NCK1: variants seen among roughly 807,000 people sequenced by gnomAD.
NCK1 encodes SH2/SH3 adapter protein NCK1.
A neutral mutation model predicts 36.6 loss-of-function variants in NCK1; 19 were observed. The ratio of observed to expected loss-of-function variants is 0.52; its 90% CI spans 0.36 to 0.76. The LOEUF (loss-of-function observed/expected upper bound fraction) is 0.76. Ranked by LOEUF, NCK1 falls within the 30% of genes least tolerant of loss-of-function variation. NCK1 has a pLI of 0.00. For synonymous variants in NCK1, 165 were observed against 156.0 expected (o/e 1.06, Z -0.43); for missense variants, 358 against 445.6 (o/e 0.80, Z 1.77).
At chr3:136,906,416 A>G (rs1359297607) in intron 1 of NCK1, among the ~76,000 whole-genome samples, 1 of 152,068 alleles carries the variant, frequency 6.6e-6, no homozygotes, top group Non-Finnish European at 1.5e-5. Flanking sequence ...GGCCTGTGAT[A>G]AGGTTTTGCT....
intron 1 of NCK1, among the ~76,000 whole-genome samples, chr3:136,923,889 T>A (rs1368505123): frequency 6.6e-6 from 1 of 152,240 alleles, no homozygotes; most frequent in Non-Finnish European, 1.5e-5. Flanking sequence ...TAACTCTACG[T>A]CCAGTTGGTG....
At chr3:136,910,614 C>T (rs1268336790) in intron 1 of NCK1, among the ~76,000 whole-genome samples, 1 of 152,166 alleles carries the variant, frequency 6.6e-6, no homozygotes, top group South Asian at 2.1e-4. Flanking sequence ...TTTGACTCCT[C>T]TTAGCATTTA....
intron 1 of NCK1, among the ~76,000 whole-genome samples, chr3:136,868,965 C>T (rs930297788): frequency 1.2e-4 from 18 of 152,074 alleles, no homozygotes; most frequent in African/African-American, 2.2e-4. Context: ...AGGCCGGGCG[C>T]GGTGGCTCAC....
intron 1 of NCK1, among the ~76,000 whole-genome samples, chr3:136,888,142 G>T (rs200457235): frequency 6.6e-6 from 1 of 151,538 alleles, no homozygotes; most frequent in Non-Finnish European, 1.5e-5. Flanking sequence ...ACAGGGTTTC[G>T]CCATGTTGGC....
At chr3:136,899,419 CTTTTTTTTT>C (rs34828302) in intron 1 of NCK1, 12 of 199,606 alleles carry the variant, frequency 6.0e-5, no homozygotes, top group African/African-American at 3.1e-4. Flanking sequence ...CATTTCTTTT[CTTTTTTTTT>C]TTTTTAAATT....
Position 136,867,092 on chromosome 3 carries a change from CTTT to C in NCK1, c.-19+4740_-19+4742del, listed in dbSNP as rs1560028381. On this transcript the variant is annotated intron_variant, in intron 1 of 3. Coordinates refer to ENST00000481752, the MANE Select transcript of NCK1 (RefSeq NM_001291999.2). The stretch of plus-strand genomic sequence containing the variant: ...TCTTTCTTTCTTTCTTTCTTTCTTT[CTTT>C]CTTTCTTTCTTTCTTTCTTTCTTTG... Among the ~76,000 whole-genome samples, 68 of 41,352 alleles carry C rather than the reference CTTT, an allele frequency of 1.6e-3. 1 individual carries two copies. The highest frequency in any genetic ancestry group is 5.8e-3 in the African/African-American group (55 of 9,428). The allele number at this position is 41,352 out of a possible 152,430, so 27.1% of individuals were successfully genotyped here. A position where few individuals can be genotyped will look rare whatever the true frequency, so the allele number is the denominator to read the frequency against.
chr3:136,866,884 A>T (rs1938429200), intron 1 of NCK1, among the ~76,000 whole-genome samples: 1 of 152,118 alleles, frequency 6.6e-6, no homozygotes, highest in Non-Finnish European at 1.5e-5. Context: ...AAGTGTTGGG[A>T]TTACAGGCGT....
chr3:136,891,021 T>C (rs1939229383), intron 1 of NCK1, among the ~76,000 whole-genome samples: 1 of 152,222 alleles, frequency 6.6e-6, no homozygotes, highest in South Asian at 2.1e-4. Context: ...TTTCACTGAG[T>C]ATAGTGTCTT....
chr3:136,935,383 T>C (rs1277054395), intron 2 of NCK1, among the ~76,000 whole-genome samples: 2 of 152,226 alleles, frequency 1.3e-5, no homozygotes, highest in Non-Finnish European at 2.9e-5. Context: ...TTAACTTTTT[T>C]TTTTTGTATG....
chr3:136,918,705 C>T (rs971538160), intron 1 of NCK1, among the ~76,000 whole-genome samples: 23 of 152,144 alleles, frequency 1.5e-4, no homozygotes, highest in African/African-American at 4.8e-4. Context: ...CATCAGCTAT[C>T]GTTAGTTTAG....
rs770040215 is a variant in NCK1, at chr3:136,928,218, G to C, written c.217G>C (p.Asp73His). The C allele has an allele frequency of 1.0e-5, 16 of 1,607,888 alleles. No individual in the cohort carries two copies. Among genetic ancestry groups the C allele is most frequent in the Non-Finnish European group, 1.3e-5 (15 of 1,177,934 alleles). Residue 73 changes from aspartate to histidine, a missense_variant, in exon 2 of 4, where the codon GAT becomes CAT. Physicochemically the swap from Asp to His is moderately conservative, Grantham distance 81. Around this residue, in one of 3 missense-constraint regions of NCK1, gnomAD observed 143 missense variants for 162.4 expected, o/e 0.88. Coordinates refer to ENST00000481752, the MANE Select transcript of NCK1 (RefSeq NM_001291999.2). ...AGCATCTATTGTGAAAAACCTAAAG[G>C]ATACCTTAGGTAAGATATTTTTTAA... ...RKASIVKNLK[D>H]TLGIGKVKRK...
At chr3:136,924,378 A>G (rs572226149) in intron 1 of NCK1, among the ~76,000 whole-genome samples, 83 of 152,346 alleles carry the variant, frequency 5.4e-4, no homozygotes, top group African/African-American at 1.8e-3. Flanking sequence ...GGGAAATGCT[A>G]CAGGACAAGT....
intron 1 of NCK1, among the ~76,000 whole-genome samples, chr3:136,896,387 T>C (rs892401605): frequency 4.6e-5 from 7 of 152,250 alleles, no homozygotes; most frequent in Non-Finnish European, 8.8e-5. Flanking sequence ...GAACATACTA[T>C]ATTTGTCTTT....
intron 1 of NCK1, among the ~76,000 whole-genome samples, chr3:136,864,376 A>G (rs1938348811): frequency 6.6e-6 from 1 of 151,912 alleles, no homozygotes; most frequent in South Asian, 2.1e-4. Flanking sequence ...CTGTAATCCC[A>G]GCTACTCGGG....
At chr3:136,888,606 G>T (rs1047251564) in intron 1 of NCK1, among the ~76,000 whole-genome samples, 1 of 151,788 alleles carries the variant, frequency 6.6e-6, no homozygotes, top group Non-Finnish European at 1.5e-5. Flanking sequence ...GTTTCACCAT[G>T]TTGGCCAGGA....
intron 1 of NCK1, among the ~76,000 whole-genome samples, chr3:136,891,134 AACTGATGACAGAC>A (rs1276117272): frequency 6.6e-6 from 1 of 152,218 alleles, no homozygotes; most frequent in Non-Finnish European, 1.5e-5. Flanking sequence ...TTACTCATTC[AACTGATGACAGAC>A]ACTGAGGTGG....
chr3:136,888,556 C>T (rs1939134849), intron 1 of NCK1, among the ~76,000 whole-genome samples: 1 of 151,940 alleles, frequency 6.6e-6, no homozygotes, highest in Non-Finnish European at 1.5e-5. Flanking sequence ...AAGCTTGCCA[C>T]CATGCCCGGC....
At chr3:136,900,946 A>G (rs1003243843) in intron 1 of NCK1, among the ~76,000 whole-genome samples, 6 of 151,968 alleles carry the variant, frequency 3.9e-5, no homozygotes, top group South Asian at 2.1e-4. Flanking sequence ...TTGCAGTACT[A>G]TGTTGAATAG....
chr3:136,881,617 C>T (rs1938938069), intron 1 of NCK1, among the ~76,000 whole-genome samples: 1 of 152,184 alleles, frequency 6.6e-6, no homozygotes, highest in South Asian at 2.1e-4. Flanking sequence ...TGTTGTACAA[C>T]CAGTCCCCAG....
Sources: allele counts gnomAD v4.1 joint callset (sites outside exome capture counted in the v4.1 genomes callset), GRCh38; gene constraint gnomAD v4.1.1; regional missense constraint gnomAD v4.1.1; transcripts MANE v1.5; gene names NCBI Gene and HGNC (gene_info 2026-07-23, HGNC 2026-07-21).